The following ASXL2 variants were observed in gnomAD, a reference collection of about 807,000 sequenced individuals.
ASXL2 encodes putative Polycomb group protein ASXL2.
A neutral mutation model predicts 122.0 loss-of-function variants in ASXL2; 23 were observed. That is an observed-to-expected ratio of 0.19 (90% CI 0.14 to 0.27). ASXL2 has a LOEUF of 0.27. Among genes scored for constraint, ASXL2 ranks in the 10% least tolerant of loss-of-function variants. The pLI is 1.00. For synonymous variants in ASXL2, 650 were observed against 637.0 expected, an observed-to-expected ratio of 1.02 and a Z score of -0.31; for missense variants, 1,518 against 1,713.8, an observed-to-expected ratio of 0.89 and a Z score of 2.02.
At chr2:25,808,870 A>G (rs772285189) in intron 3 of ASXL2, among the ~76,000 whole-genome samples, 4 of 152,234 alleles carry the variant, frequency 2.6e-5, no homozygotes, top group Non-Finnish European at 5.9e-5. Context: ...ACCTTACCAG[A>G]AAATGGGGAT....
At chr2:25,810,774 T>C (rs1485897984) in intron 3 of ASXL2, 2 of 540,460 alleles carry the variant, frequency 3.7e-6, no homozygotes, top group Non-Finnish European at 6.9e-6. Context: ...TGGAATTTTG[T>C]TGAGATTTAA....
chr2:25,806,435 C>T (rs1317180193), intron 3 of ASXL2, 98 bp from the exon 4 acceptor site: 3 of 729,570 alleles, frequency 4.1e-6, no homozygotes, highest in Non-Finnish European at 6.9e-6. Context: ...TTAGTCAATA[C>T]TCCTTTGACT....
chr2:25,759,422 C>A, intron 9 of ASXL2, 60 bp downstream of exon 9: 1 of 1,500,246 alleles, frequency 6.7e-7, no homozygotes. Flanking sequence ...ACCATTAATA[C>A]CACTTTACAA....
chr2:25,757,485 AAAAAAGAAAG>A, intron 9 of ASXL2, among the ~76,000 whole-genome samples: 1 of 150,324 alleles, frequency 6.7e-6, no homozygotes, highest in African/African-American at 2.4e-5. Flanking sequence ...AAAAAAAAAA[AAAAAAGAAAG>A]AAAAAGAAAA....
rs545069337 is a variant in ASXL2 at position 25,806,610 on chromosome 2, A to G, written c.144-273T>C. The stretch of plus-strand genomic sequence containing the variant: ...AGAAAAATACAGAAGTATTACAAAC[A>G]TATTTTGTAAACATTCTATTTAGCA... On this transcript the variant is annotated intron_variant, in intron 3 of 12. Coordinates refer to ENST00000435504, the MANE Select transcript of ASXL2 (RefSeq NM_018263.6). 1.2e-4 allele frequency among the ~76,000 whole-genome samples: 18 copies of G among 152,360 alleles called. No individual in the cohort carries two copies. In the South Asian group the frequency reaches 3.7e-3, roughly 32 times the overall value.
chr2:25,785,690 G>A (rs569771676), intron 5 of ASXL2, among the ~76,000 whole-genome samples: 90 of 151,858 alleles, frequency 5.9e-4, no homozygotes, highest in Non-Finnish European at 8.8e-4. Flanking sequence ...GGGATTACAG[G>A]TGCCCACCAC....
At chr2:25,869,828 GA>G (rs994875440) in intron 1 of ASXL2, among the ~76,000 whole-genome samples, 8 of 148,270 alleles carry the variant, frequency 5.4e-5, no homozygotes, top group African/African-American at 7.5e-5. Flanking sequence ...AAAAAAAAGT[GA>G]AAAAAATTAT....
intron 8 of ASXL2, among the ~76,000 whole-genome samples, chr2:25,766,307 T>C (rs2088350095): frequency 6.6e-6 from 1 of 152,206 alleles, no homozygotes; most frequent in Non-Finnish European, 1.5e-5. Context: ...TTACACATTT[T>C]TAATCTGGAA....
rs778007473 is a variant in ASXL2, at chr2:25,743,681, G to T, written c.2656C>A (p.Pro886Thr). 3.7e-6 allele frequency: 6 copies of T among 1,613,872 alleles called. No individual in the cohort carries two copies. The highest frequency in any genetic ancestry group is 2.2e-5 in the South Asian group (2 of 91,080). Residue 886 changes from proline (P) to threonine (T), a missense_variant, in exon 13 of 13, where the codon CCT (proline) becomes ACT (threonine). Physicochemically the swap from Pro to Thr is conservative, Grantham distance 38 (BLOSUM62 -1). This residue lies in a region of ASXL2 where 831 missense variants were observed against 833.1 expected (regional missense o/e 1.00). Coordinates refer to ENST00000435504, the MANE Select transcript of ASXL2 (RefSeq NM_018263.6). Reference sequence around the variant, plus strand: ...GCTGTGGTCAATAAAGATGTTAAAGGGGAGGGAGTTACAGCCACTGGCACA... The same window carrying T: ...GCTGTGGTCAATAAAGATGTTAAAGTGGAGGGAGTTACAGCCACTGGCACA... ...ASVPVAVTPS[P>T]LTSLLTTATL... is the part of the protein sequence containing the mutation.
At chr2:25,755,262 C>T (rs1003495516) in intron 10 of ASXL2, among the ~76,000 whole-genome samples, 1 of 152,142 alleles carries the variant, frequency 6.6e-6, no homozygotes, top group Non-Finnish European at 1.5e-5. Context: ...CTGACACTAA[C>T]CCAGAGCAAT....
chr2:25,835,823 T>C (rs1334684036), intron 2 of ASXL2, among the ~76,000 whole-genome samples: 1 of 152,164 alleles, frequency 6.6e-6, no homozygotes, highest in Non-Finnish European at 1.5e-5. Context: ...AGAGTAAAAC[T>C]GTTAGGGCAT....
chr2:25,863,499 T>C (rs1250604386), intron 1 of ASXL2, among the ~76,000 whole-genome samples: 3 of 150,644 alleles, frequency 2.0e-5, no homozygotes, highest in African/African-American at 7.4e-5. Flanking sequence ...AAGACCATCC[T>C]GGCTAACACG....
intron 1 of ASXL2, among the ~76,000 whole-genome samples, chr2:25,849,908 G>A (rs2149195449): frequency 6.6e-6 from 1 of 152,050 alleles, no homozygotes; most frequent in South Asian, 2.1e-4. Context: ...ATAGTTTTGG[G>A]GAGAAAGAAA....
At chr2:25,869,308 C>T (rs1310621485) in intron 1 of ASXL2, among the ~76,000 whole-genome samples, 1 of 150,800 alleles carries the variant, frequency 6.6e-6, no homozygotes, top group Non-Finnish European at 1.5e-5. Context: ...CCAGCCTGGG[C>T]AACAGAGTAA....
chr2:25,812,723 C>T (rs374100721), intron 3 of ASXL2, among the ~76,000 whole-genome samples: 4 of 152,186 alleles, frequency 2.6e-5, no homozygotes, highest in Non-Finnish European at 4.4e-5. Context: ...CAAGGATTTA[C>T]TCCATCATTG....
Position 25,744,050 on chromosome 2 carries a change from C to T in ASXL2, c.2287G>A (p.Ala763Thr), listed in dbSNP as rs1374566661. 6.2e-7 allele frequency: 1 copy of T among 1,613,994 alleles called. No individual in the cohort carries two copies. Among genetic ancestry groups the T allele is most frequent in the Non-Finnish European group, 8.5e-7 (1 of 1,179,888 alleles). ...GCTCCAGAGACACTATGAGGCTGTG[C>T]CTGGCTTGGGGTGGTCTTGGTCTCA... The part of the protein sequence containing the change: ...QSETKTTPSQ[A>T]QPHSVSGAQL... Residue 763 changes from alanine (A) to threonine (T), a missense_variant, in exon 13 of 13, where the codon GCA (alanine) becomes ACA (threonine). Coordinates refer to ENST00000435504, the MANE Select transcript of ASXL2 (RefSeq NM_018263.6). This position sits in a 1 kb window ranked among gnomAD's most constrained non-coding sequence, Gnocchi z 4.7.
intron 5 of ASXL2, among the ~76,000 whole-genome samples, chr2:25,785,175 T>G (rs2088717313): frequency 6.6e-6 from 1 of 152,198 alleles, no homozygotes; most frequent in African/African-American, 2.4e-5. Context: ...AAAGGAACAT[T>G]TCAGCCCAGG....
chr2:25,753,929 C>G (rs944418786), intron 10 of ASXL2, among the ~76,000 whole-genome samples: 9 of 152,176 alleles, frequency 5.9e-5, no homozygotes, highest in African/African-American at 2.2e-4. Flanking sequence ...ACACTCCATA[C>G]AGATTTATTT....
rs535407365 is a variant in ASXL2, at chr2:25,777,190, G to C, written c.404-5650C>G. Among the ~76,000 whole-genome samples the C allele has an allele frequency of 5.9e-5, 9 of 152,250 alleles. No homozygotes were observed. The South Asian group carries it at 1.9e-3, about 32-fold the overall frequency. On this transcript the variant is annotated intron_variant, in intron 5 of 12. Coordinates refer to ENST00000435504, the MANE Select transcript of ASXL2 (RefSeq NM_018263.6). Reference sequence around the variant, plus strand: ...TGCAGCCTTGACCTCCGAGGCTCAAGCAATCTCCTACCTTCGCCTCCTGAG... The same window carrying C: ...TGCAGCCTTGACCTCCGAGGCTCAACCAATCTCCTACCTTCGCCTCCTGAG...
Sources: allele counts gnomAD v4.1 joint callset (sites outside exome capture counted in the v4.1 genomes callset), GRCh38; gene constraint gnomAD v4.1.1; regional missense constraint gnomAD v4.1.1; non-coding constraint Gnocchi (gnomAD v3.1); transcripts MANE v1.5; gene names NCBI Gene and HGNC (gene_info 2026-07-23, HGNC 2026-07-21).